MLYCD: variants seen among roughly 807,000 people sequenced by gnomAD.
MLYCD encodes the protein malonyl-CoA decarboxylase, mitochondrial.
In MLYCD, 27 loss-of-function variants were observed where a neutral mutation model predicts 35.8. That is an observed-to-expected ratio of 0.75 (90% CI 0.56 to 1.04). The LOEUF is 1.04. Ranked by LOEUF, MLYCD falls within the 50% of genes least tolerant of loss-of-function variation. MLYCD has a pLI of 0.00. For synonymous variants in MLYCD, 403 were observed against 302.4 expected, an observed-to-expected ratio of 1.33 and a Z score of -3.45; for missense variants, 917 against 665.1, an observed-to-expected ratio of 1.38 and a Z score of -4.17.
chr16:83,904,691 A>C (rs1262297010), intron 1 of MLYCD, among the ~76,000 whole-genome samples: 1 of 152,236 alleles, frequency 6.6e-6, no homozygotes, highest in Non-Finnish European at 1.5e-5. Context: ...AGGAATTGCA[A>C]AGATCTTCTG....
rs1429848857 is a variant in MLYCD, at chr16:83,920,450, C to T, written c.*4961C>T. The T allele has an allele frequency of 6.6e-6, 1 of 152,234 alleles. No individual in the cohort carries two copies. The highest frequency in any genetic ancestry group is 1.5e-5 in the Non-Finnish European group (1 of 68,044). The allele number at this position is 152,234 out of a possible 1,614,324, so 9.4% of individuals were successfully genotyped here. A position where few individuals can be genotyped will look rare whatever the true frequency, so the allele number is the denominator to read the frequency against. Reference sequence around the variant, plus strand: ...CCAATGGGCAGAGCTGGGAGACACGCAGGAAGACCCCCAGCCCATGCCCGT... The same window carrying T: ...CCAATGGGCAGAGCTGGGAGACACGTAGGAAGACCCCCAGCCCATGCCCGT... On this transcript the variant is annotated 3_prime_UTR_variant, in exon 5 of 5. Transcript: ENST00000262430.
chr16:83,917,183 G>A lies in MLYCD; in HGVS notation c.*1694G>A, dbSNP rs1026290558. Reference sequence around the variant, plus strand: ...TGTGCGTGTGCACGAGCGTCTCTGTGTGTGTCAGTGCACGTCTGTGTGTGC... The same window carrying A: ...TGTGCGTGTGCACGAGCGTCTCTGTATGTGTCAGTGCACGTCTGTGTGTGC... On this transcript the variant is annotated 3_prime_UTR_variant, in exon 5 of 5. Coordinates refer to ENST00000262430, the MANE Select transcript of MLYCD (RefSeq NM_012213.3). The A allele has an allele frequency of 1.4e-5, 2 of 146,866 alleles. No homozygotes were observed. The highest frequency in any genetic ancestry group is 3.0e-5 in the Non-Finnish European group (2 of 67,404). The allele number at this position is 146,866 out of a possible 1,614,324, so 9.1% of individuals were successfully genotyped here.
In MLYCD at chr16:83,926,881, G is replaced by A. The variant is rs976148659; in HGVS notation, c.*11392G>A. 3.9e-5 allele frequency: 6 copies of A among 152,242 alleles called. No homozygotes were observed. The highest frequency in any genetic ancestry group is 1.4e-4 in the African/African-American group (6 of 41,462). The allele number at this position is 152,242 out of a possible 1,614,324, so 9.4% of individuals were successfully genotyped here. A position where few individuals can be genotyped will look rare whatever the true frequency, so the allele number is the denominator to read the frequency against. On this transcript the variant is annotated 3_prime_UTR_variant, in exon 5 of 5. Transcript: ENST00000262430. ...TCCAGCCTCCTCTGCTCTGCGCTTG[G>A]GCGCTGAATGTTAAAATTCCTAACA...
chr16:83,908,041 C>G (rs1001179203), intron 2 of MLYCD, 85 bp from the exon 3 acceptor site: 3 of 1,548,886 alleles, frequency 1.9e-6, no homozygotes, highest in Non-Finnish European at 2.7e-6. Context: ...ACTTGTTTGA[C>G]TTAGACGAAT....
chr16:83,913,455 C>G (rs947102336), intron 4 of MLYCD: 1 of 152,246 alleles, frequency 6.6e-6, no homozygotes, highest in Non-Finnish European at 1.5e-5. Flanking sequence ...TGCCCCTGGG[C>G]GGCCAGCCTA....
Position 83,916,839 on chromosome 16 carries a change from G to T in MLYCD, c.*1350G>T, listed in dbSNP as rs1439662835. On this transcript the variant is annotated 3_prime_UTR_variant, in exon 5 of 5. Transcript: ENST00000262430. ...TGTGCGTGTGCACGAGCGTCTCTGT[G>T]TGTCAGTGCACGTCTGTGTGCGTGT... 8 of 137,268 alleles carry T rather than the reference G, an allele frequency of 5.8e-5. No individual in the cohort carries two copies. The highest frequency in any genetic ancestry group is 2.0e-4 in the African/African-American group (7 of 35,594). 8.5% of individuals were successfully genotyped at this position (137,268 alleles called of 1,614,324 possible).
At chr16:83,905,457 A>G (rs79119186) in intron 1 of MLYCD, among the ~76,000 whole-genome samples, 1,614 of 152,284 alleles carry the variant, frequency 0.011, 34 homozygotes, top group African/African-American at 0.037. Context: ...CTGTCATGTG[A>G]AAGTCTAGAG....
At position 83,899,354 on chromosome 16, in the gene MLYCD, C is replaced by T. The variant is rs1218846824; in HGVS notation, c.210C>T (p.Asp70=). The T allele has an allele frequency of 8.5e-6, 13 of 1,524,702 alleles. No individual in the cohort carries two copies. The highest frequency in any genetic ancestry group is 1.0e-5 in the Non-Finnish European group (12 of 1,144,834). The allele number at this position is 1,524,702 out of a possible 1,614,324, so 94.4% of individuals were successfully genotyped here. ...CGCCCGCCGAGGGTCAGTGCGCGGACTTCGTGAGCTTCTACGGTGGGCTGG... is the reference window on the plus strand; with the variant it reads ...CGCCCGCCGAGGGTCAGTGCGCGGATTTCGTGAGCTTCTACGGTGGGCTGG... ...TPAPAEGQCA[D]FVSFYGGLAE... Residue 70 remains aspartate (D), a synonymous_variant, in exon 1 of 5, where the codon GAC becomes GAT. Transcript: ENST00000262430.
In MLYCD at chr16:83,908,262, G is replaced by C. The variant is rs759401241; in HGVS notation, c.778G>C (p.Asp260His). ...LVVLHVALTGDISSNIQAIVK... is the reference protein window; with the variant it reads ...LVVLHVALTGHISSNIQAIVK... ...CGTTTTGCACGTGGCACTGACTGGT[G>C]ACATCTCCAGCAACATCCAGGTACC... The change falls in exon 3 of 5, where the codon GAC becomes CAC. Residue 260 changes from aspartate (D) to histidine (H), a missense_variant. Asp to His is a moderately conservative substitution (Grantham distance 81). Coordinates refer to ENST00000262430, the MANE Select transcript of MLYCD (RefSeq NM_012213.3). The C allele has an allele frequency of 6.2e-7, 1 of 1,614,162 alleles. No individual in the cohort carries two copies. The highest frequency in any genetic ancestry group is 2.2e-5 in the East Asian group (1 of 44,882).
At chr16:83,914,645 G>A (rs974146989) in intron 4 of MLYCD, 11 of 411,674 alleles carry the variant, frequency 2.7e-5, no homozygotes, top group Middle Eastern at 7.5e-4. Flanking sequence ...TGGGTGTGGC[G>A]GCGCGAGCCT....
chr16:83,915,417 C>A lies in MLYCD; in HGVS notation c.1410C>A (p.Gly470=). ...ETGPNSTSYL[G]SKIIKASEQV... is the part of the protein sequence containing the mutation. Reference sequence around the variant, plus strand: ...GCCCCAACAGCACCTCCTACCTCGGCTCCAAGATCATCAAAGCCTCTGAGC... The same window carrying A: ...GCCCCAACAGCACCTCCTACCTCGGATCCAAGATCATCAAAGCCTCTGAGC... The change falls in exon 5 of 5, where the codon GGC becomes GGA. Residue 470 remains glycine (G), a synonymous_variant. Transcript: ENST00000262430. 1 of 1,613,836 alleles carries A rather than the reference C, an allele frequency of 6.2e-7. No individual in the cohort carries two copies. The highest frequency in any genetic ancestry group is 8.5e-7 in the Non-Finnish European group (1 of 1,180,048).
intron 4 of MLYCD, 113 bp downstream of exon 4, chr16:83,912,480 G>T: frequency 7.0e-7 from 1 of 1,427,366 alleles, no homozygotes; most frequent in South Asian, 1.2e-5. Context: ...GGAGCTAAAG[G>T]GAGGGGCAGG....
chr16:83,914,121 T>A (rs1467666574), intron 4 of MLYCD: 1 of 152,266 alleles, frequency 6.6e-6, no homozygotes, highest in Non-Finnish European at 1.5e-5. Flanking sequence ...TATTTTCTTC[T>A]GTCATTAATT....
At position 83,923,196 on chromosome 16, in the gene MLYCD, T is replaced by A. The variant is rs1907707173; in HGVS notation, c.*7707T>A. 1 of 152,296 alleles carries A rather than the reference T, an allele frequency of 6.6e-6. No homozygotes were observed. The highest frequency in any genetic ancestry group is 1.5e-5 in the Non-Finnish European group (1 of 68,072). 9.4% of individuals were successfully genotyped at this position (152,296 alleles called of 1,614,324 possible). A position where few individuals can be genotyped will look rare whatever the true frequency, so the allele number is the denominator to read the frequency against. On this transcript the variant is annotated 3_prime_UTR_variant, in exon 5 of 5. Coordinates refer to ENST00000262430, the MANE Select transcript of MLYCD (RefSeq NM_012213.3). The stretch of plus-strand genomic sequence containing the variant: ...GGGCTTCCCTCCTCCTCGTTCTGTG[T>A]GGCCTCAGAAGTGAGGGAATCTCAG...
chr16:83,908,376 T>C (rs1907057136), intron 3 of MLYCD, 94 bp downstream of exon 3: 1 of 263,208 alleles, frequency 3.8e-6, no homozygotes, highest in South Asian at 1.1e-4. Context: ...TTTATCCTCC[T>C]TTTTTTTTTT....
At chr16:83,907,185 T>G in intron 2 of MLYCD, 86 bp downstream of exon 2, 3 of 1,144,900 alleles carry the variant, frequency 2.6e-6, no homozygotes, top group Non-Finnish European at 3.9e-6. Flanking sequence ...AGCTAATCTA[T>G]CTCCATTCAT....
In MLYCD at chr16:83,899,525, C is replaced by T. The variant is rs778167970; in HGVS notation, c.381C>T (p.Asp127=). ...CGGCGGTGCTGCTGCAGGCCGAGGA[C>T]CGGCTGCGCTACGCGCTGGTGCCGC... ...REAAVLLQAE[D]RLRYALVPRY... is the part of the protein sequence containing the mutation. The change falls in exon 1 of 5, where the codon GAC becomes GAT. Residue 127 remains aspartate, a synonymous_variant. Transcript: ENST00000262430. 27 of 1,589,588 alleles carry T rather than the reference C, an allele frequency of 1.7e-5. No homozygotes were observed. In the South Asian group the frequency reaches 2.7e-4, roughly 16 times the overall value.
At chr16:83,900,618 G>A (rs145003130) in intron 1 of MLYCD, among the ~76,000 whole-genome samples, 80 of 141,202 alleles carry the variant, frequency 5.7e-4, no homozygotes, top group African/African-American at 2.0e-3. Flanking sequence ...TAGAGAGGGC[G>A]TTTCACCATG....
intron 1 of MLYCD, among the ~76,000 whole-genome samples, chr16:83,900,963 G>A (rs772468559): frequency 9.2e-5 from 14 of 152,122 alleles, no homozygotes; most frequent in East Asian, 1.9e-4. Context: ...CTGTCTTACC[G>A]TTAATCAGAT....
Sources: allele counts gnomAD v4.1 joint callset (sites outside exome capture counted in the v4.1 genomes callset), GRCh38; gene constraint gnomAD v4.1.1; transcripts MANE v1.5; gene names NCBI Gene and HGNC (gene_info 2026-07-23, HGNC 2026-07-21).